Variants in KAT2B observed in about 807,000 individuals in gnomAD.
The protein encoded by KAT2B is lysine acetyltransferase 2B, also known as histone acetyltransferase KAT2B.
In KAT2B, 36 loss-of-function variants were observed where a neutral mutation model predicts 105.9. That is an observed-to-expected ratio of 0.34 (90% CI 0.26 to 0.45). The LOEUF is 0.45. Ranked by LOEUF, KAT2B falls within the 20% of genes least tolerant of loss-of-function variation. The probability of loss-of-function intolerance (pLI) is 1.00; values close to 1 mark genes in which losing one functional copy is unlikely to be tolerated. For missense variants in KAT2B, 820 were observed against 1,021.6 expected, an observed-to-expected ratio of 0.80 and a Z score of 2.69; for synonymous variants, 397 against 377.9, an observed-to-expected ratio of 1.05 and a Z score of -0.59.
intron 2 of KAT2B, among the ~76,000 whole-genome samples, chr3:20,081,607 T>A (rs1879775): frequency 0.12 from 17,511 of 152,056 alleles, 1,161 homozygotes; most frequent in East Asian, 0.24. Context: ...CCAAAAGGAA[T>A]AAACTTTGCC....
intron 17 of KAT2B, among the ~76,000 whole-genome samples, chr3:20,151,630 T>G (rs957639518): frequency 1.3e-5 from 2 of 152,196 alleles, no homozygotes; most frequent in East Asian, 3.8e-4. Flanking sequence ...TACTTTAGTT[T>G]TATCAGTTTA....
At chr3:20,062,111 T>TTATATATAAAACATATTATATATATTA (rs1188323147) in intron 1 of KAT2B, among the ~76,000 whole-genome samples, 3 of 52,762 alleles carry the variant, frequency 5.7e-5, no homozygotes, top group East Asian at 2.0e-3. Flanking sequence ...ATAATATATA[T>TTATATATAAAACATATTATATATATTA]TATATAAAAC....
intron 1 of KAT2B, among the ~76,000 whole-genome samples, chr3:20,058,179 C>T (rs1208700895): frequency 6.6e-6 from 1 of 152,062 alleles, no homozygotes; most frequent in African/African-American, 2.4e-5. Context: ...GGTATTCAGC[C>T]AGGTGCGGTG....
At chr3:20,117,327 T>C (rs1699223862) in intron 7 of KAT2B, among the ~76,000 whole-genome samples, 1 of 152,210 alleles carries the variant, frequency 6.6e-6, no homozygotes, top group African/African-American at 2.4e-5. Context: ...TCTACTGTAA[T>C]TGCAATGTGT....
At chr3:20,111,929 C>CT (rs1280218054) in intron 6 of KAT2B, 142 bp downstream of exon 6, 9 of 670,336 alleles carry the variant, frequency 1.3e-5, no homozygotes, top group East Asian at 8.5e-5. Flanking sequence ...CCTCAGTTCC[C>CT]TTTGTGAATC....
Position 20,111,643 on chromosome 3 carries a change from G to A in KAT2B, c.899G>A (p.Arg300Gln), listed in dbSNP as rs757704987. The change falls in exon 6 of 18, where the codon CGG becomes CAG. Residue 300 changes from arginine (R) to glutamine (Q), a missense_variant. Arg to Gln is a conservative substitution (Grantham distance 43). Coordinates refer to ENST00000263754, the MANE Select transcript of KAT2B (RefSeq NM_003884.5). ...NVPQFCDSLP[R>Q]YETTQVFGRT... is the part of the protein sequence containing the mutation. ...CCACAGTTCTGCGACAGTCTACCTC[G>A]GTACGAAACCACACAGGTGTTTGGG... is the stretch of plus-strand genomic sequence containing the variant. 3.7e-6 allele frequency: 6 copies of A among 1,613,664 alleles called. No individual in the cohort carries two copies. The highest frequency in any genetic ancestry group is 2.2e-5 in the South Asian group (2 of 91,050).
intron 3 of KAT2B, among the ~76,000 whole-genome samples, chr3:20,097,293 C>T (rs1442411661): frequency 6.6e-6 from 1 of 152,138 alleles, no homozygotes; most frequent in Non-Finnish European, 1.5e-5. Flanking sequence ...TTATAACCAA[C>T]CAAACAAGCC....
Position 20,148,411 on chromosome 3 carries a change from A to G in KAT2B, c.2229A>G (p.Gln743=). 1.9e-6 allele frequency: 3 copies of G among 1,610,856 alleles called. No homozygotes were observed. The highest frequency in any genetic ancestry group is 1.7e-6 in the Non-Finnish European group (2 of 1,178,986). ...TTTTTTCTTTACCCAAGAGCCATCA[A>G]AGCGCTTGGCCCTTCATGGAACCTG... ...KSILQQVKSH[Q]SAWPFMEPVK... Residue 743 remains glutamine (Q), a synonymous_variant, in exon 17 of 18, where the codon CAA becomes CAG. Coordinates refer to ENST00000263754, the MANE Select transcript of KAT2B (RefSeq NM_003884.5).
At chr3:20,075,888 C>CA (rs1360084398) in intron 2 of KAT2B, among the ~76,000 whole-genome samples, 4 of 143,520 alleles carry the variant, frequency 2.8e-5, no homozygotes, top group African/African-American at 1.1e-4. Flanking sequence ...GCCTGGGCGA[C>CA]AGAGCGAGAC....
At chr3:20,064,053 A>G (rs1170346272) in intron 1 of KAT2B, among the ~76,000 whole-genome samples, 1 of 152,148 alleles carries the variant, frequency 6.6e-6, no homozygotes, top group Non-Finnish European at 1.5e-5. Flanking sequence ...TTTCTGGGCT[A>G]TCTATTCTGT....
intron 1 of KAT2B, among the ~76,000 whole-genome samples, chr3:20,044,155 T>G (rs945099809): frequency 6.6e-6 from 1 of 152,084 alleles, no homozygotes; most frequent in East Asian, 1.9e-4. Flanking sequence ...TAAAGGTTGC[T>G]TCAGAGTCAT....
At chr3:20,131,010 CTTTTTTTTTTTT>C (rs148208028) in intron 11 of KAT2B, among the ~76,000 whole-genome samples, 1 of 74,706 alleles carries the variant, frequency 1.3e-5, no homozygotes, top group Admixed American at 2.0e-4. Flanking sequence ...GTTTCCTGGC[CTTTTTTTTTTTT>C]TTTTTTTTTT....
chr3:20,074,280 G>A (rs1698380305), intron 2 of KAT2B, among the ~76,000 whole-genome samples: 1 of 152,134 alleles, frequency 6.6e-6, no homozygotes, highest in South Asian at 2.1e-4. Flanking sequence ...GAAGAAATCA[G>A]GTAATAAAGC....
chr3:20,121,874 C>A lies in KAT2B; in HGVS notation c.1277-794C>A, dbSNP rs887955400. On this transcript the variant is annotated intron_variant, in intron 8 of 17. Transcript: ENST00000263754. Reference sequence around the variant, plus strand: ...AATGAGATGAGCTGAAATCAGCCACCCATCAGGAAACATACGAAATGAATG... The same window carrying A: ...AATGAGATGAGCTGAAATCAGCCACACATCAGGAAACATACGAAATGAATG... Among the ~76,000 whole-genome samples the A allele has an allele frequency of 2.0e-5, 3 of 150,814 alleles. No individual in the cohort carries two copies. The East Asian group carries it at 5.9e-4, about 29-fold the overall frequency.
chr3:20,041,163 G>C (rs912498108), intron 1 of KAT2B, among the ~76,000 whole-genome samples: 3 of 152,036 alleles, frequency 2.0e-5, no homozygotes, highest in Non-Finnish European at 4.4e-5. Context: ...AAAATCTTTT[G>C]GGGGACTGAG....
Position 20,062,309 on chromosome 3 carries a change from A to ATAT in KAT2B, c.304-10023_304-10021dup, listed in dbSNP as rs1559514594. ...TATAATATATAATATATAAAATATA[A>ATAT]TATATATAAAATATTTATTATGTAT... On this transcript the variant is annotated intron_variant, in intron 1 of 17. Transcript: ENST00000263754. 2.8e-4 allele frequency among the ~76,000 whole-genome samples: 23 copies of ATAT among 81,352 alleles called. 3 individuals carry two copies. The highest frequency in any genetic ancestry group is 0.014 in the Middle Eastern group (2 of 142). 53.4% of individuals were successfully genotyped at this position (81,352 alleles called of 152,430 possible). A position where few individuals can be genotyped will look rare whatever the true frequency, so the allele number is the denominator to read the frequency against.
At chr3:20,150,676 G>T (rs764694634) in intron 17 of KAT2B, among the ~76,000 whole-genome samples, 1 of 152,178 alleles carries the variant, frequency 6.6e-6, no homozygotes, top group Non-Finnish European at 1.5e-5. Flanking sequence ...GAAGAAGAAT[G>T]CTATCTATAG....
chr3:20,112,044 A>G (rs566948984), intron 6 of KAT2B, among the ~76,000 whole-genome samples: 1 of 152,220 alleles, frequency 6.6e-6, no homozygotes, highest in South Asian at 2.1e-4. Context: ...TCTCTGACTC[A>G]CATAGAATGG....
intron 1 of KAT2B, among the ~76,000 whole-genome samples, chr3:20,054,197 T>G (rs1697965923): frequency 6.7e-6 from 1 of 149,652 alleles, no homozygotes; most frequent in African/African-American, 2.4e-5. Context: ...TGGCGCGATC[T>G]TGGCTCACTG....
Sources: gnomAD v4.1 joint callset for allele counts (sites outside exome capture counted in the v4.1 genomes callset) on GRCh38, gnomAD v4.1.1 for gene constraint, MANE v1.5 for transcripts, NCBI Gene and HGNC (gene_info 2026-07-23, HGNC 2026-07-21) for gene names.